The following TCTN2 variants were observed in gnomAD, a reference collection of about 807,000 sequenced individuals.
The protein encoded by TCTN2 is tectonic-2.
A neutral mutation model predicts 83.4 loss-of-function variants in TCTN2; 66 were observed. The ratio of observed to expected loss-of-function variants is 0.79; its 90% confidence interval spans 0.65 to 0.97. TCTN2 has a LOEUF of 0.97. Among genes scored for constraint, TCTN2 ranks in the 50% least tolerant of loss-of-function variants. The probability of loss-of-function intolerance (pLI) is 0.00; values close to 1 mark genes in which losing one functional copy is unlikely to be tolerated. For missense variants in TCTN2, 794 were observed against 858.1 expected (o/e 0.93, Z 0.93); for synonymous variants, 301 against 326.7 (o/e 0.92, Z 0.85).
chr12:123,672,281 T>G, intron 3 of TCTN2, 149 bp downstream of exon 3: 3 of 779,724 alleles, frequency 3.8e-6, no homozygotes, highest in Non-Finnish European at 2.2e-6. Context: ...TAGACACTTA[T>G]CCAGCCCACG....
At chr12:123,671,640 G>C in intron 2 of TCTN2, 26 bp downstream of exon 2, 2 of 1,598,656 alleles carry the variant, frequency 1.3e-6, no homozygotes, top group South Asian at 2.2e-5. Flanking sequence ...CTTTTGGGGA[G>C]GGTGGGGGTT....
At chr12:123,677,738 A>C (rs1593835730) in intron 4 of TCTN2, among the ~76,000 whole-genome samples, 2 of 146,786 alleles carry the variant, frequency 1.4e-5, no homozygotes, top group Non-Finnish European at 1.5e-5. Context: ...CTATTCATCC[A>C]CCCCCTCTGT....
intron 14 of TCTN2, among the ~76,000 whole-genome samples, chr12:123,702,568 C>G (rs1187281624): frequency 6.6e-6 from 1 of 152,182 alleles, no homozygotes; most frequent in Non-Finnish European, 1.5e-5. Context: ...CTGCTGTTTG[C>G]TCATCTAGCT....
Position 123,671,535 on chromosome 12 carries a change from C to T in TCTN2, c.111C>T (p.Ser37=), listed in dbSNP as rs1374494421. 6 of 1,614,126 alleles carry T rather than the reference C, an allele frequency of 3.7e-6. No individual in the cohort carries two copies. The highest frequency in any genetic ancestry group is 1.3e-5 in the African/African-American group (1 of 75,048). Residue 37 remains serine, a synonymous_variant, in exon 2 of 18, where the codon TCC becomes TCT. Transcript: ENST00000303372. ...TCATCCCTCCTTTTATCCGAATGTC[C>T]GGCCCTGCGGTCAGCGCGTCCCTGG... ...LAFIPPFIRM[S]GPAVSASLVG...
intron 4 of TCTN2, among the ~76,000 whole-genome samples, chr12:123,677,244 C>T (rs1283899826): frequency 6.6e-6 from 1 of 152,142 alleles, no homozygotes; most frequent in Non-Finnish European, 1.5e-5. Flanking sequence ...AGGGTCAGAC[C>T]CTTACCCGTG....
At position 123,690,656 on chromosome 12, in the gene TCTN2, A is replaced by G. The variant is rs563272016; in HGVS notation, c.1015A>G (p.Lys339Glu). 110 of 1,614,208 alleles carry G rather than the reference A, an allele frequency of 6.8e-5. No individual in the cohort carries two copies. In the South Asian group the frequency reaches 1.2e-3, roughly 17 times the overall value. ...AGATGGTATTATCAATGCGAAGATA[A>G]AGAATGTTGCCTTAGGAGGTATGTT... ...ERDGIINAKI[K>E]NVALGGIVTP... The change falls in exon 8 of 18, where the codon AAG becomes GAG. Residue 339 changes from lysine to glutamate, a missense_variant. By Grantham distance (56) the Lys-to-Glu change is moderately conservative. Transcript: ENST00000303372.
Position 123,699,774 on chromosome 12 carries a change from T to A in TCTN2, c.1576T>A (p.Tyr526Asn). Residue 526 changes from tyrosine (Y) to asparagine (N), a missense_variant, in exon 14 of 18, where the codon TAC becomes AAC. Tyr to Asn is a moderately radical substitution (Grantham distance 143, BLOSUM62 -2). Transcript: ENST00000303372. ...CGTTGCAATGAGAGGCAACTCCGAT[T>A]ACGCTGATCTTAGTGATGGCTGGCT... ...THVAMRGNSD[Y>N]ADLSDGWLEI... is the part of the protein sequence containing the mutation. 1 of 1,614,198 alleles carries A rather than the reference T, an allele frequency of 6.2e-7. No homozygotes were observed. The highest frequency in any genetic ancestry group is 1.6e-4 in the Middle Eastern group (1 of 6,062).
intron 14 of TCTN2, among the ~76,000 whole-genome samples, chr12:123,701,786 A>G (rs967494669): frequency 4.6e-5 from 7 of 151,848 alleles, no homozygotes; most frequent in Non-Finnish European, 8.8e-5. Context: ...AATAGCAGGG[A>G]TCATGGGGGC....
chr12:123,694,611 G>A (rs1182250644), intron 9 of TCTN2, among the ~76,000 whole-genome samples: 1 of 152,196 alleles, frequency 6.6e-6, no homozygotes, highest in Non-Finnish European at 1.5e-5. Context: ...GAAAGGAACA[G>A]ATCTCATTCT....
chr12:123,672,367 G>C (rs73418104), intron 3 of TCTN2, among the ~76,000 whole-genome samples: 6 of 152,076 alleles, frequency 3.9e-5, no homozygotes, highest in Non-Finnish European at 5.9e-5. Flanking sequence ...TGTATGTAAA[G>C]TTCTGTGTGT....
At chr12:123,673,403 G>C (rs546809604) in intron 3 of TCTN2, among the ~76,000 whole-genome samples, 4 of 152,264 alleles carry the variant, frequency 2.6e-5, no homozygotes, top group Admixed American at 2.6e-4. Flanking sequence ...TCCCGAAGTT[G>C]TTTGCTTTTA....
intron 4 of TCTN2, among the ~76,000 whole-genome samples, chr12:123,677,866 G>A (rs1003882482): frequency 6.6e-6 from 1 of 152,082 alleles, no homozygotes. Flanking sequence ...CTGACCTCAG[G>A]TGATTCCCCC....
At chr12:123,702,300 C>T (rs1281271838) in intron 14 of TCTN2, among the ~76,000 whole-genome samples, 7 of 152,166 alleles carry the variant, frequency 4.6e-5, no homozygotes, top group Admixed American at 4.6e-4. Flanking sequence ...GGGATCAGCC[C>T]TCTGGATCCT....
At position 123,686,835 on chromosome 12, in the gene TCTN2, G is replaced by A; in HGVS notation, c.565-1G>A. 1.2e-6 allele frequency: 2 copies of A among 1,614,204 alleles called. No individual in the cohort carries two copies. The highest frequency in any genetic ancestry group is 1.7e-6 in the Non-Finnish European group (2 of 1,180,040). On this transcript the variant is annotated splice_acceptor_variant, in intron 5 of 17. Transcript: ENST00000303372. LOFTEE classifies it high-confidence loss of function. ...CTCCTGCCTTTATGTTTGTCTTCCA[G>A]GAATGCTCATCAAATTTAACAACGC...
At position 123,688,311 on chromosome 12, in the gene TCTN2, G is replaced by A. The variant is rs1956001502; in HGVS notation, c.891+134G>A. 3 of 1,197,984 alleles carry A rather than the reference G, an allele frequency of 2.5e-6. No individual in the cohort carries two copies. In the Admixed American group the frequency reaches 7.0e-5, roughly 28 times the overall value. The allele number at this position is 1,197,984 out of a possible 1,614,324, so 74.2% of individuals were successfully genotyped here. A position where few individuals can be genotyped will look rare whatever the true frequency, so the allele number is the denominator to read the frequency against. On this transcript the variant is annotated intron_variant, in intron 7 of 17. Transcript: ENST00000303372. ...GCTCACTGCAACCTCTGCCTCCCGG[G>A]TTCAAGTGATTCTCCTGCCTCAGCC...
rs1955980794 is a variant in TCTN2, at chr12:123,687,096, C to G, written c.764+61C>G. On this transcript the variant is annotated intron_variant, in intron 6 of 17. Coordinates refer to ENST00000303372, the MANE Select transcript of TCTN2 (RefSeq NM_024809.5). Reference sequence around the variant, plus strand: ...GTTCTCCCGCCCTGGTGGGGCCATACTCTAGTAGGCCCTGCAACGCGGTCA... The same window carrying G: ...GTTCTCCCGCCCTGGTGGGGCCATAGTCTAGTAGGCCCTGCAACGCGGTCA... 2.5e-6 allele frequency: 4 copies of G among 1,574,582 alleles called. No homozygotes were observed. The East Asian group carries it at 9.0e-5, about 35-fold the overall frequency.
chr12:123,695,067 T>G, intron 10 of TCTN2, 91 bp downstream of exon 10: 1 of 1,544,076 alleles, frequency 6.5e-7, no homozygotes, highest in Non-Finnish European at 8.9e-7. Flanking sequence ...CCCATAAAAC[T>G]AAGTTGGACT....
rs1301125830 is a variant in TCTN2, at chr12:123,686,952, T to C, written c.681T>C (p.Gly227=). 6 of 1,614,084 alleles carry C rather than the reference T, an allele frequency of 3.7e-6. No individual in the cohort carries two copies. Among genetic ancestry groups the C allele is most frequent in the Non-Finnish European group, 5.1e-6 (6 of 1,180,048 alleles). ...GCTCTGCTGGGACGACGACACGTGG[T>C]GTCCCCGATTGGTTTCCCTTTCTGT... is the stretch of plus-strand genomic sequence containing the variant. The part of the protein sequence containing the change: ...QLCSAGTTTR[G]VPDWFPFLCV... Residue 227 remains glycine, a synonymous_variant, in exon 6 of 18, where the codon GGT becomes GGC. Coordinates refer to ENST00000303372, the MANE Select transcript of TCTN2 (RefSeq NM_024809.5).
chr12:123,688,297 C>T, intron 7 of TCTN2, 120 bp downstream of exon 7: 1 of 1,288,416 alleles, frequency 7.8e-7, no homozygotes, highest in East Asian at 2.6e-5. Flanking sequence ...CTCACTGCAA[C>T]CTCTGCCTCC....
Sources: gnomAD v4.1 joint callset for allele counts (sites outside exome capture counted in the v4.1 genomes callset) on GRCh38, gnomAD v4.1.1 for gene constraint, MANE v1.5 for transcripts, NCBI Gene and HGNC (gene_info 2026-07-23, HGNC 2026-07-21) for gene names.